The following GLYATL1 variants were observed in gnomAD, a reference collection of about 807,000 sequenced individuals.
GLYATL1 encodes glycine N-acyltransferase-like protein 1.
GLYATL1 carries 15 observed loss-of-function variants against 20.0 expected under a neutral mutation model. The ratio of observed to expected loss-of-function variants is 0.75; its 90% confidence interval spans 0.50 to 1.15. The LOEUF (loss-of-function observed/expected upper bound fraction) is 1.15. Among genes scored for constraint, GLYATL1 ranks in the 50% most tolerant of loss-of-function variants. The pLI is 0.00. For missense variants in GLYATL1, 380 were observed against 368.5 expected (o/e 1.03, Z -0.26); for synonymous variants, 151 against 131.5 (o/e 1.15, Z -1.01).
Position 58,955,199 on chromosome 11 carries a change from G to T in GLYATL1, c.337G>T (p.Gly113Trp), listed in dbSNP as rs2135280247. ...AGGTCTTCAAGAAAGTTTAGGTGAG[G>T]GGATAAGAGTGGCTACATTTTCAAA... Reference protein sequence around the residue: ...IQGLQESLGEGIRVATFSKSV... With the variant: ...IQGLQESLGEWIRVATFSKSV... Residue 113 changes from glycine (G) to tryptophan (W), a missense_variant, in exon 6 of 7, where the codon GGG becomes TGG. Physicochemically the swap from Gly to Trp is radical, Grantham distance 184. Transcript: ENST00000532726. 1 of 1,613,536 alleles carries T rather than the reference G, an allele frequency of 6.2e-7. No individual in the cohort carries two copies. The highest frequency in any genetic ancestry group is 2.2e-5 in the East Asian group (1 of 44,878).
At chr11:58,909,297 T>G (rs897034117), downstream of GLYATL1, among the ~76,000 whole-genome samples, 1 of 152,182 alleles carries the variant, frequency 6.6e-6, no homozygotes, top group African/African-American at 2.4e-5. Flanking sequence ...ACAAGGTGAA[T>G]AAGTTCTCAA....
upstream of GLYATL1, among the ~76,000 whole-genome samples, chr11:58,926,553 T>C (rs1855433378): frequency 6.6e-6 from 1 of 152,170 alleles, no homozygotes; most frequent in Non-Finnish European, 1.5e-5. Context: ...AGTGATTGGA[T>C]TATGTGGTCT....
At chr11:58,945,728 A>G (rs1360692500) in intron 2 of GLYATL1, among the ~76,000 whole-genome samples, 2 of 152,180 alleles carry the variant, frequency 1.3e-5, no homozygotes, top group Non-Finnish European at 2.9e-5. Context: ...GGGGAAGAAA[A>G]AGACCATTTT....
intron 1 of GLYATL1, chr11:58,933,610 A>G (rs1204789446): frequency 6.6e-6 from 1 of 152,026 alleles, no homozygotes; most frequent in African/African-American, 2.4e-5. Flanking sequence ...TTATTTTTTT[A>G]GGTTCAGCTA....
downstream of GLYATL1, among the ~76,000 whole-genome samples, chr11:58,913,534 C>T (rs531922677): frequency 8.4e-4 from 128 of 152,262 alleles, 2 homozygotes; most frequent in Middle Eastern, 0.017. Context: ...ATTCAATGAA[C>T]ACTTCTTACA....
chr11:58,934,633 G>A (rs890301713), upstream of GLYATL1: 26 of 152,454 alleles, frequency 1.7e-4, no homozygotes, highest in African/African-American at 5.8e-4. Flanking sequence ...GGCAGTACTA[G>A]ATACTGGGTC....
intron 1 of GLYATL1, among the ~76,000 whole-genome samples, chr11:58,915,078 A>C (rs1163243966): frequency 6.6e-6 from 1 of 152,084 alleles, no homozygotes; most frequent in Middle Eastern, 3.2e-3. Context: ...TTCCTCAGTC[A>C]TTTCTGTTTC....
At chr11:58,918,646 G>C (rs1398270941) in intron 1 of GLYATL1, among the ~76,000 whole-genome samples, 1 of 152,180 alleles carries the variant, frequency 6.6e-6, no homozygotes, top group Admixed American at 6.5e-5. Flanking sequence ...GTTGGCCAAA[G>C]CAACAGAATA....
exon 1 of GLYATL1, chr11:58,905,625 A>T: frequency 2.2e-6 from 1 of 456,266 alleles, no homozygotes; most frequent in South Asian, 1.5e-5. Flanking sequence ...GCCGATGAGC[A>T]GGAAGAAGCA....
chr11:58,950,710 A>T (rs1055180764), intron 4 of GLYATL1, among the ~76,000 whole-genome samples: 6 of 152,204 alleles, frequency 3.9e-5, no homozygotes, highest in African/African-American at 9.6e-5. Context: ...GTTTCCCCAC[A>T]TTCTCACGAG....
chr11:58,956,118 T>C lies in GLYATL1; in HGVS notation c.*91T>C. On this transcript the variant is annotated 3_prime_UTR_variant, in exon 7 of 7. Coordinates refer to ENST00000532726, the MANE Select transcript of GLYATL1 (RefSeq NM_001389712.2). ...AGATTTCTTCACTTACAAATGCATA[T>C]TGGGCACTTATAATACAGCAGGAAC... The C allele has an allele frequency of 8.8e-7, 1 of 1,138,468 alleles. No homozygotes were observed. The highest frequency in any genetic ancestry group is 1.3e-6 in the Non-Finnish European group (1 of 785,254). 70.5% of individuals were successfully genotyped at this position (1,138,468 alleles called of 1,614,324 possible).
At chr11:58,922,539 G>C (rs1455757050) in intron 1 of GLYATL1, among the ~76,000 whole-genome samples, 2 of 152,252 alleles carry the variant, frequency 1.3e-5, no homozygotes, top group East Asian at 3.9e-4. Flanking sequence ...ACTTCCTGAA[G>C]CTCCAATTCC....
intron 1 of GLYATL1, among the ~76,000 whole-genome samples, chr11:58,916,443 C>T (rs1855174080): frequency 6.6e-6 from 1 of 152,222 alleles, no homozygotes; most frequent in Admixed American, 6.5e-5. Flanking sequence ...TATTATCTCA[C>T]TTACCAAGCA....
chr11:58,931,296 A>G (rs1267923925), intron 1 of GLYATL1, among the ~76,000 whole-genome samples: 1 of 152,152 alleles, frequency 6.6e-6, no homozygotes, highest in Non-Finnish European at 1.5e-5. Flanking sequence ...GTATTGGATT[A>G]GGGGCCCATC....
downstream of GLYATL1, among the ~76,000 whole-genome samples, chr11:58,912,540 G>A (rs1590766226): frequency 6.6e-6 from 1 of 152,308 alleles, no homozygotes; most frequent in Admixed American, 6.5e-5. Context: ...ATGTACTCAT[G>A]TCTCCATCGG....
At chr11:58,939,090 A>G (rs534577194), upstream of GLYATL1, among the ~76,000 whole-genome samples, 1 of 152,226 alleles carries the variant, frequency 6.6e-6, no homozygotes, top group Non-Finnish European at 1.5e-5. Flanking sequence ...TTAATGCTTG[A>G]AACTTTTATT....
At chr11:58,938,797 C>A (rs989259860), upstream of GLYATL1, among the ~76,000 whole-genome samples, 1 of 152,114 alleles carries the variant, frequency 6.6e-6, no homozygotes, top group African/African-American at 2.4e-5. Flanking sequence ...GTGCTGAGTT[C>A]TAGAGAGACT....
At chr11:58,923,882 A>C (rs503918), upstream of GLYATL1, among the ~76,000 whole-genome samples, 42,841 of 152,186 alleles carry the variant, frequency 0.28, 6,457 homozygotes, top group Middle Eastern at 0.36. Flanking sequence ...GTGAATTAAG[A>C]TAATTGTACT....
At chr11:58,943,960 CTTTT>C (rs59431757) in intron 2 of GLYATL1, among the ~76,000 whole-genome samples, 1 of 144,682 alleles carries the variant, frequency 6.9e-6, no homozygotes. Context: ...CTTTTCTTTT[CTTTT>C]TTTTTTTTGT....
Sources: allele counts gnomAD v4.1 joint callset (sites outside exome capture counted in the v4.1 genomes callset), GRCh38; gene constraint gnomAD v4.1.1; transcripts MANE v1.5; gene names NCBI Gene and HGNC (gene_info 2026-07-23, HGNC 2026-07-21).